EPHB1: variants seen among roughly 807,000 people sequenced by gnomAD.
EPHB1 encodes EPH receptor B1.
EPHB1 carries 30 observed loss-of-function variants against 94.4 expected under a neutral mutation model. The ratio of observed to expected loss-of-function variants is 0.32; its 90% CI spans 0.24 to 0.43. The LOEUF (loss-of-function observed/expected upper bound fraction) is 0.43. Among genes scored for constraint, EPHB1 ranks in the 20% least tolerant of loss-of-function variants. EPHB1 has a pLI of 1.00. For synonymous variants in EPHB1, 522 were observed against 489.1 expected (o/e 1.07, Z -0.89); for missense variants, 1,055 against 1,308.3 (o/e 0.81, Z 2.99).
At chr3:135,255,395 C>A (rs1219935663) in intron 15 of EPHB1, among the ~76,000 whole-genome samples, 1 of 139,746 alleles carries the variant, frequency 7.2e-6, no homozygotes, top group Admixed American at 7.1e-5. Flanking sequence ...TGAATGCATC[C>A]CAGAGATTCT....
At chr3:135,147,178 C>T (rs1160388291) in intron 5 of EPHB1, among the ~76,000 whole-genome samples, 1 of 152,142 alleles carries the variant, frequency 6.6e-6, no homozygotes, top group African/African-American at 2.4e-5. Context: ...GAGCTGGGCC[C>T]TAGGCTCCTT....
intron 3 of EPHB1, among the ~76,000 whole-genome samples, chr3:135,013,113 G>C (rs560530634): frequency 6.6e-6 from 1 of 152,190 alleles, no homozygotes; most frequent in East Asian, 1.9e-4. Context: ...TTACGAATGG[G>C]CCAAACGGGA....
At chr3:135,174,953 G>C (rs1375909878) in intron 9 of EPHB1, among the ~76,000 whole-genome samples, 1 of 152,058 alleles carries the variant, frequency 6.6e-6, no homozygotes, top group East Asian at 1.9e-4. Flanking sequence ...CCACCAGCTG[G>C]GAAGTGCCAG....
At chr3:135,047,677 CTGTTTATT>C (rs1376869463) in intron 3 of EPHB1, among the ~76,000 whole-genome samples, 8 of 152,200 alleles carry the variant, frequency 5.3e-5, no homozygotes, top group African/African-American at 1.9e-4. Flanking sequence ...ATTCATTTCT[CTGTTTATT>C]TGTTTCTTCC....
intron 3 of EPHB1, among the ~76,000 whole-genome samples, chr3:135,004,213 T>G (rs994734514): frequency 6.6e-6 from 1 of 150,580 alleles, no homozygotes; most frequent in Admixed American, 6.6e-5. Context: ...CTCCTTCACT[T>G]ATGAAGCTTA....
At chr3:135,016,816 C>T (rs1343478794) in intron 3 of EPHB1, among the ~76,000 whole-genome samples, 2 of 152,134 alleles carry the variant, frequency 1.3e-5, no homozygotes, top group African/African-American at 2.4e-5. Flanking sequence ...GCTTCCATCC[C>T]ATCCATGTGA....
chr3:135,259,360 G>A lies in EPHB1; in HGVS notation c.*240G>A. On this transcript the variant is annotated 3_prime_UTR_variant, in exon 16 of 16. Coordinates refer to ENST00000398015, the MANE Select transcript of EPHB1 (RefSeq NM_004441.5). ...AATAATAAAAATATAAAAAGGTGAT[G>A]TTCAACAGAAGTGAAGACAAAACAA... The A allele has an allele frequency of 3.0e-6, 1 of 336,382 alleles. No individual in the cohort carries two copies. The highest frequency in any genetic ancestry group is 5.8e-5 in the South Asian group (1 of 17,202). 20.8% of individuals were successfully genotyped at this position (336,382 alleles called of 1,614,324 possible).
At chr3:134,959,704 C>G (rs780451931) in intron 3 of EPHB1, among the ~76,000 whole-genome samples, 26 of 152,160 alleles carry the variant, frequency 1.7e-4, no homozygotes, top group Non-Finnish European at 3.2e-4. Flanking sequence ...TACACAGCCC[C>G]TCAGAGGGCA....
chr3:134,863,056 T>G (rs762474656), intron 1 of EPHB1, among the ~76,000 whole-genome samples: 1 of 152,238 alleles, frequency 6.6e-6, no homozygotes, highest in African/African-American at 2.4e-5. Flanking sequence ...CTGGCACTCA[T>G]GGCCTCATGC....
At chr3:135,137,154 G>A (rs1940650457) in intron 5 of EPHB1, among the ~76,000 whole-genome samples, 1 of 152,178 alleles carries the variant, frequency 6.6e-6, no homozygotes, top group Admixed American at 6.5e-5. Flanking sequence ...ACATGAGCTT[G>A]GGACCATCTA....
rs377705578 is a variant in EPHB1, at chr3:135,040,690, G to C, written c.806-65758G>C. On this transcript the variant is annotated intron_variant, in intron 3 of 15. Coordinates refer to ENST00000398015, the MANE Select transcript of EPHB1 (RefSeq NM_004441.5). ...ATGGCTGTGAGGGGTCCTGAAGCCA[G>C]GGGTTGTGAGAACTCAGGGAATCAT... Among the ~76,000 whole-genome samples the C allele has an allele frequency of 3.9e-5, 6 of 152,364 alleles. No homozygotes were observed. The East Asian group carries it at 1.2e-3, about 29-fold the overall frequency.
chr3:134,805,826 A>G (rs551139779), intron 1 of EPHB1, among the ~76,000 whole-genome samples: 1 of 152,196 alleles, frequency 6.6e-6, no homozygotes, highest in South Asian at 2.1e-4. Flanking sequence ...CTCCTGTCCC[A>G]CACTCGATTG....
intron 1 of EPHB1, among the ~76,000 whole-genome samples, chr3:134,893,000 A>G (rs1560284933): frequency 1.3e-5 from 2 of 152,162 alleles, no homozygotes; most frequent in African/African-American, 4.8e-5. Context: ...ACATGCTCAC[A>G]CACACGGTAT....
At chr3:135,147,047 C>T (rs1305014356) in intron 5 of EPHB1, among the ~76,000 whole-genome samples, 3 of 152,192 alleles carry the variant, frequency 2.0e-5, no homozygotes, top group Non-Finnish European at 2.9e-5. Context: ...TTGGGTTAAC[C>T]TTATCCCAAG....
At chr3:135,008,153 A>G (rs377389536) in intron 3 of EPHB1, among the ~76,000 whole-genome samples, 4 of 152,226 alleles carry the variant, frequency 2.6e-5, no homozygotes, top group Non-Finnish European at 5.9e-5. Flanking sequence ...AGGGCAAAGC[A>G]TCAGCTTGGT....
At chr3:134,920,113 TG>T (rs2038653822) in intron 1 of EPHB1, among the ~76,000 whole-genome samples, 1 of 152,186 alleles carries the variant, frequency 6.6e-6, no homozygotes, top group African/African-American at 2.4e-5. Context: ...TCTGTGTGGC[TG>T]CAAGCTCCCT....
chr3:135,029,194 CTT>C (rs1486567529), intron 3 of EPHB1, among the ~76,000 whole-genome samples: 1 of 72,096 alleles, frequency 1.4e-5, no homozygotes, highest in Admixed American at 1.9e-4. Context: ...CAGTCTGTGT[CTT>C]TTAATTGGAG....
chr3:134,972,409 CTT>C (rs1274711700), intron 3 of EPHB1, among the ~76,000 whole-genome samples: 1 of 143,614 alleles, frequency 7.0e-6, no homozygotes, highest in African/African-American at 2.5e-5. Flanking sequence ...TATTATATAT[CTT>C]TTATATAACA....
chr3:134,914,665 C>G (rs1462888007), intron 1 of EPHB1, among the ~76,000 whole-genome samples: 1 of 152,254 alleles, frequency 6.6e-6, no homozygotes, highest in South Asian at 2.1e-4. Context: ...ACAGATGGCA[C>G]AGTAGAAAGA....
Sources: gnomAD v4.1 joint callset for allele counts (sites outside exome capture counted in the v4.1 genomes callset) on GRCh38, gnomAD v4.1.1 for gene constraint, MANE v1.5 for transcripts, NCBI Gene and HGNC (gene_info 2026-07-23, HGNC 2026-07-21) for gene names.